Variants in SRD5A3 observed in about 807,000 individuals in gnomAD.
SRD5A3 encodes the protein polyprenal reductase.
In SRD5A3, 24 loss-of-function variants were observed where a neutral mutation model predicts 34.3. The observed-to-expected ratio is 0.70, with a 90% CI of 0.51 to 0.99. The LOEUF (loss-of-function observed/expected upper bound fraction) is 0.99. SRD5A3 is among the 50% of genes least tolerant of loss of function. The pLI is 0.00. For synonymous variants in SRD5A3, 161 were observed against 167.3 expected, an observed-to-expected ratio of 0.96 and a Z score of 0.29; for missense variants, 350 against 388.2, an observed-to-expected ratio of 0.90 and a Z score of 0.83.
intron 1 of SRD5A3, among the ~76,000 whole-genome samples, chr4:55,352,940 G>C (rs949381545): frequency 5.3e-5 from 8 of 152,208 alleles, no homozygotes; most frequent in African/African-American, 1.4e-4. Context: ...GGATGGATGG[G>C]GTGGGGGAAA....
intron 4 of SRD5A3, among the ~76,000 whole-genome samples, chr4:55,368,377 A>C (rs1166416058): frequency 2.8e-5 from 4 of 140,750 alleles, no homozygotes; most frequent in East Asian, 2.0e-4. Context: ...AGACTGTCTC[A>C]AAAAAAAAAA....
At chr4:55,353,031 G>A (rs1719256135) in intron 1 of SRD5A3, among the ~76,000 whole-genome samples, 1 of 152,190 alleles carries the variant, frequency 6.6e-6, no homozygotes, top group Non-Finnish European at 1.5e-5. Context: ...AGGGCTTTGT[G>A]TGGGAGGGGG....
chr4:55,360,845 C>T (rs536521799), intron 2 of SRD5A3, among the ~76,000 whole-genome samples: 2 of 152,076 alleles, frequency 1.3e-5, no homozygotes, highest in Admixed American at 6.5e-5. Context: ...TGTGCCACCA[C>T]GCCCAGCTAA....
At position 55,369,924 on chromosome 4, in the gene SRD5A3, G is replaced by T. The variant is rs758849298; in HGVS notation, c.790G>T (p.Val264Phe). 6.2e-7 allele frequency: 1 copy of T among 1,614,120 alleles called. No individual in the cohort carries two copies. Among genetic ancestry groups the T allele is most frequent in the Non-Finnish European group, 8.5e-7 (1 of 1,180,034 alleles). Reference protein sequence around the residue: ...PNYLAELMIYVSMAVTFGFHN... With the variant: ...PNYLAELMIYFSMAVTFGFHN... ...CTACTTAGCAGAGCTGATGATCTACGTTTCCATGGCCGTCACCTTTGGGTT... is the reference window on the plus strand; with the variant it reads ...CTACTTAGCAGAGCTGATGATCTACTTTTCCATGGCCGTCACCTTTGGGTT... Residue 264 changes from valine to phenylalanine, a missense_variant, in exon 5 of 5, where the codon GTT (valine) becomes TTT (phenylalanine). By Grantham distance (50) the Val-to-Phe change is conservative. This residue lies in a region of SRD5A3 where 186 missense variants were observed against 221.4 expected (regional missense o/e 0.84). Transcript: ENST00000264228.
At position 55,364,253 on chromosome 4, in the gene SRD5A3, C is replaced by T; in HGVS notation, c.544C>T (p.Pro182Ser). ...TGGCCTAACTGTGCTGAGCCAAGTG[C>T]CAATGGATGGCAGGAATGGTGAGTG... ...LVGLTVLSQV[P>S]MDGRNAYITG... The change falls in exon 3 of 5, where the codon CCA becomes TCA. Residue 182 changes from proline to serine, a missense_variant. Pro to Ser is a moderately conservative substitution (Grantham distance 74). Coordinates refer to ENST00000264228, the MANE Select transcript of SRD5A3 (RefSeq NM_024592.5). The T allele has an allele frequency of 6.2e-7, 1 of 1,614,066 alleles. No individual in the cohort carries two copies. The highest frequency in any genetic ancestry group is 8.5e-7 in the Non-Finnish European group (1 of 1,180,016).
At chr4:55,368,819 A>T (rs1273413790) in intron 4 of SRD5A3, among the ~76,000 whole-genome samples, 4 of 151,832 alleles carry the variant, frequency 2.6e-5, no homozygotes, top group Non-Finnish European at 5.9e-5. Context: ...GCTCACTGCA[A>T]CCTCCGCTTC....
Position 55,346,506 on chromosome 4 carries a change from G to T in SRD5A3, c.170G>T (p.Cys57Phe), listed in dbSNP as rs1389765130. Residue 57 changes from cysteine to phenylalanine, a missense_variant, in exon 1 of 5, where the codon TGT (cysteine) becomes TTT (phenylalanine). By Grantham distance (205) the Cys-to-Phe change is radical. Around this residue, in one of 3 missense-constraint regions of SRD5A3, gnomAD observed 159 missense variants for 149.1 expected, o/e 1.07. Transcript: ENST00000264228. ...CTGATCCGCTATGGGAAAACCAAGT[G>T]TGGGGAGCCGTCGCGCCCCGCCGCC... ...QDLIRYGKTK[C>F]GEPSRPAACR... is the part of the protein sequence containing the mutation. 1.0e-5 allele frequency: 16 copies of T among 1,600,326 alleles called. No homozygotes were observed. In the South Asian group the frequency reaches 1.2e-4, roughly 12 times the overall value.
intron 1 of SRD5A3, among the ~76,000 whole-genome samples, chr4:55,356,000 A>T (rs1192737105): frequency 3.9e-3 from 286 of 74,184 alleles, no homozygotes; most frequent in South Asian, 6.7e-3. Flanking sequence ...TTTTGCCTCC[A>T]TTTTTTTTTT....
chr4:55,346,898 C>CA (rs1719019190), intron 1 of SRD5A3, among the ~76,000 whole-genome samples: 1 of 151,840 alleles, frequency 6.6e-6, no homozygotes, highest in South Asian at 2.1e-4. Context: ...ATTTAGGCGG[C>CA]AAATTGAAGT....
chr4:55,369,684 C>T, intron 4 of SRD5A3, 148 bp from the exon 5 acceptor site: 1 of 873,376 alleles, frequency 1.1e-6, no homozygotes, highest in Non-Finnish European at 1.8e-6. Context: ...TGAGCCATGA[C>T]TGCACGACTG....
chr4:55,367,513 C>T, intron 3 of SRD5A3, 75 bp from the exon 4 acceptor site: 1 of 1,548,676 alleles, frequency 6.5e-7, no homozygotes, highest in Non-Finnish European at 8.9e-7. Context: ...TGTGTTTCTG[C>T]TGACTAAATG....
intron 1 of SRD5A3, among the ~76,000 whole-genome samples, chr4:55,353,005 T>G (rs1288851345): frequency 6.6e-6 from 1 of 151,726 alleles, no homozygotes; most frequent in African/African-American, 2.4e-5. Flanking sequence ...TTATTTTGAG[T>G]GAGTGGAAGC....
At position 55,367,548 on chromosome 4, in the gene SRD5A3, G is replaced by A. The variant is rs752516462; in HGVS notation, c.563-40G>A. 3.7e-5 allele frequency: 60 copies of A among 1,611,170 alleles called. 1 individual carries two copies. In the Admixed American group the frequency reaches 1.0e-3, roughly 27 times the overall value. ...GATTTGTTTAATTCCCTGAGCCTGT[G>A]AAATTGTTTAGTGTTGGCTAACAAT... On this transcript the variant is annotated intron_variant, in intron 3 of 4. Transcript: ENST00000264228.
At chr4:55,349,966 T>A (rs1054216886) in intron 1 of SRD5A3, among the ~76,000 whole-genome samples, 1 of 152,236 alleles carries the variant, frequency 6.6e-6, no homozygotes, top group Non-Finnish European at 1.5e-5. Flanking sequence ...ATAGTTTTTT[T>A]ATATTACATT....
intron 2 of SRD5A3, among the ~76,000 whole-genome samples, chr4:55,362,842 CT>C (rs757066208): frequency 0.015 from 1,954 of 127,784 alleles, 34 homozygotes; most frequent in Admixed American, 0.06. Flanking sequence ...GTGTGTGAGA[CT>C]TTTTTTTTTT....
chr4:55,356,430 T>A (rs1719464104), intron 1 of SRD5A3, among the ~76,000 whole-genome samples: 1 of 152,200 alleles, frequency 6.6e-6, no homozygotes, highest in African/African-American at 2.4e-5. Flanking sequence ...TATCCAACTA[T>A]CACCACCACC....
chr4:55,352,599 G>C (rs1410359877), intron 1 of SRD5A3, among the ~76,000 whole-genome samples: 1 of 152,164 alleles, frequency 6.6e-6, no homozygotes, highest in Non-Finnish European at 1.5e-5. Flanking sequence ...TAAGGACCTC[G>C]GTCAGTGTGT....
rs1028926529 is a variant in SRD5A3 at position 55,364,715 on chromosome 4, CAAAA to C, written c.562+450_562+453del. On this transcript the variant is annotated intron_variant, in intron 3 of 4. Transcript: ENST00000264228. ...TGGGCAACAGAGCGAGACTCCATCT[CAAAA>C]AAAAAGAAAAGAAAATGAGGGAAGG... is the stretch of plus-strand genomic sequence containing the variant. 3 of 174,398 alleles carry C rather than the reference CAAAA, an allele frequency of 1.7e-5. No individual in the cohort carries two copies. In the South Asian group the frequency reaches 3.7e-4, roughly 22 times the overall value. The allele number at this position is 174,398 out of a possible 1,614,324, so 10.8% of individuals were successfully genotyped here.
intron 2 of SRD5A3, among the ~76,000 whole-genome samples, chr4:55,362,638 T>TTAGAGA (rs1553882182): frequency 1.2e-5 from 1 of 81,028 alleles, no homozygotes; most frequent in Admixed American, 1.3e-4. Context: ...TTTTAATGTT[T>TTAGAGA]TTAGAGATGG....
Sources: allele counts gnomAD v4.1 joint callset (sites outside exome capture counted in the v4.1 genomes callset), GRCh38; gene constraint gnomAD v4.1.1; regional missense constraint gnomAD v4.1.1; transcripts MANE v1.5; gene names NCBI Gene and HGNC (gene_info 2026-07-23, HGNC 2026-07-21).